STAG2: variants seen among roughly 807,000 people sequenced by gnomAD.
STAG2 encodes STAG2 cohesin complex component.
Under a neutral mutation model 108.1 loss-of-function variants are expected in STAG2, and 14 were observed. The ratio of observed to expected loss-of-function variants is 0.13; its 90% CI spans 0.09 to 0.20. The LOEUF (loss-of-function observed/expected upper bound fraction) is 0.20, where lower values mean the gene tolerates loss of function less well. Among genes scored for constraint, STAG2 ranks in the 10% least tolerant of loss-of-function variants. STAG2 has a pLI of 1.00. For synonymous variants in STAG2, 307 were observed against 302.7 expected (o/e 1.01, Z -0.15); for missense variants, 440 against 940.9 (o/e 0.47, Z 6.96).
At chrX:123,971,156 G>A (rs894392631) in intron 1 of STAG2, among the ~76,000 whole-genome samples, 16 of 112,290 alleles carry the variant, frequency 1.4e-4, no homozygotes, top group East Asian at 2.8e-4. Flanking sequence ...GAGGCTGGGC[G>A]CGGTGGCTCA....
chrX:124,041,806 C>T (rs1462430177), intron 6 of STAG2, among the ~76,000 whole-genome samples: 2 of 111,083 alleles, frequency 1.8e-5, no homozygotes, highest in African/African-American at 3.3e-5. Context: ...CTTTTTTCCT[C>T]TCCCATCCTC....
At chrX:124,021,731 G>T (rs1045862309) in intron 2 of STAG2, among the ~76,000 whole-genome samples, 1 of 111,619 alleles carries the variant, frequency 9.0e-6, no homozygotes, top group African/African-American at 3.3e-5. Flanking sequence ...TCATGAAGTG[G>T]TTATTTATTT....
In STAG2 at chrX:124,100,588, A is replaced by G; in HGVS notation, c.3798A>G (p.Ser1266=). 8.4e-7 allele frequency: 1 copy of G among 1,196,243 alleles called. No individual in the cohort carries two copies. The highest frequency in any genetic ancestry group is 1.1e-6 in the Non-Finnish European group (1 of 882,949). Residue 1266 remains serine, a synonymous_variant, in exon 35 of 35, where the codon TCA becomes TCG. Transcript: ENST00000371145. ...TCTCTCATTAGGTTCTTGGAGTGTCAATGTTTTAATACCAGTACACAATTA... is the reference window on the plus strand; with the variant it reads ...TCTCTCATTAGGTTCTTGGAGTGTCGATGTTTTAATACCAGTACACAATTA... ...SIMDESVLGV[S]MF
intron 1 of STAG2, among the ~76,000 whole-genome samples, chrX:123,966,554 T>C (rs1331777435): frequency 1.8e-5 from 2 of 111,856 alleles, no homozygotes; most frequent in East Asian, 5.6e-4. Flanking sequence ...TAATTCTTTA[T>C]GTTTCTGGGT....
chrX:124,094,214 AG>A, intron 33 of STAG2, 70 bp downstream of exon 33: 7 of 1,064,914 alleles, frequency 6.6e-6, no homozygotes, highest in Non-Finnish European at 8.9e-6. Flanking sequence ...GATATTTATT[AG>A]AGTAGAGAAA....
At chrX:124,060,902 C>T (rs951557531) in intron 15 of STAG2, among the ~76,000 whole-genome samples, 7 of 107,742 alleles carry the variant, frequency 6.5e-5, no homozygotes, top group Non-Finnish European at 9.6e-5. Flanking sequence ...ACAGCCTGGG[C>T]GAGAGCGAGA....
chrX:124,073,036 C>T (rs188999905), intron 25 of STAG2, among the ~76,000 whole-genome samples: 38 of 107,395 alleles, frequency 3.5e-4, no homozygotes, highest in African/African-American at 1.3e-3. Flanking sequence ...TGAGCCACTG[C>T]GCCCGGCCTA....
At chrX:124,013,170 T>C (rs970251740) in intron 1 of STAG2, among the ~76,000 whole-genome samples, 9 of 111,715 alleles carry the variant, frequency 8.1e-5, no homozygotes, top group African/African-American at 2.6e-4. Context: ...CCAGCTAATA[T>C]GGTCTCATTG....
intron 1 of STAG2, among the ~76,000 whole-genome samples, chrX:123,963,732 C>T (rs763097333): frequency 1.1e-4 from 12 of 110,433 alleles, no homozygotes; most frequent in Admixed American, 3.9e-4. Context: ...TAAATATGCC[C>T]TTTGGGTTTA....
intron 1 of STAG2, among the ~76,000 whole-genome samples, chrX:123,976,879 G>A (rs1388149690): frequency 8.9e-6 from 1 of 111,969 alleles, no homozygotes; most frequent in East Asian, 2.8e-4. Flanking sequence ...CTGCCTCCCA[G>A]TGGGATGATT....
At chrX:124,083,382 C>T (rs923638466) in intron 28 of STAG2, 39 bp from the exon 29 acceptor site, 3 of 1,069,805 alleles carry the variant, frequency 2.8e-6, no homozygotes, top group Non-Finnish European at 2.5e-6. Flanking sequence ...TATAGTCCCT[C>T]AAATATTTAT....
intron 1 of STAG2, among the ~76,000 whole-genome samples, chrX:124,009,403 G>T (rs1459128511): frequency 6.5e-5 from 5 of 76,851 alleles, no homozygotes. Context: ...AGGTAGGTAG[G>T]TAGGTAGGTA....
chrX:124,068,316 C>T (rs1015384613), intron 23 of STAG2, among the ~76,000 whole-genome samples: 3 of 111,136 alleles, frequency 2.7e-5, no homozygotes, highest in African/African-American at 9.8e-5. Flanking sequence ...CTCTTAATAT[C>T]CTAAAGCCTT....
chrX:123,991,375 C>T (rs1039172071), intron 1 of STAG2, among the ~76,000 whole-genome samples: 9 of 109,395 alleles, frequency 8.2e-5, no homozygotes, highest in East Asian at 2.9e-4. Context: ...TTTTTTGAGA[C>T]GGAGTCTGAC....
chrX:124,088,048 GT>G (rs1427716678), intron 30 of STAG2, among the ~76,000 whole-genome samples: 1 of 111,765 alleles, frequency 8.9e-6, no homozygotes, highest in Non-Finnish European at 1.9e-5. Flanking sequence ...AAACTTTTCT[GT>G]TTTTTAAAAA....
At position 124,063,970 on chromosome X, in the gene STAG2, C is replaced by T. The variant is rs2148326869; in HGVS notation, c.1944C>T (p.Asn648=). The part of the protein sequence containing the change: ...ALCNEEFTIF[N]RVDISRSQLI... Reference sequence around the variant, plus strand: ...GTAATGAAGAGTTCACAATCTTCAACAGAGTAGATATTTCAAGAAGTCAAC... The same window carrying T: ...GTAATGAAGAGTTCACAATCTTCAATAGAGTAGATATTTCAAGAAGTCAAC... The change falls in exon 20 of 35, where the codon AAC becomes AAT. Residue 648 remains asparagine (N), a synonymous_variant. Coordinates refer to ENST00000371145, the MANE Select transcript of STAG2 (RefSeq NM_001042750.2). 1 of 1,209,836 alleles carries T rather than the reference C, an allele frequency of 8.3e-7. No individual in the cohort carries two copies. The highest frequency in any genetic ancestry group is 1.1e-6 in the Non-Finnish European group (1 of 894,003).
chrX:124,085,398 C>T (rs984309842), intron 29 of STAG2, among the ~76,000 whole-genome samples: 13 of 111,138 alleles, frequency 1.2e-4, no homozygotes, highest in African/African-American at 4.3e-4. Flanking sequence ...TATCTTGTTG[C>T]AGACTTAACA....
At chrX:124,041,147 G>A (rs1406470043) in intron 6 of STAG2, among the ~76,000 whole-genome samples, 1 of 109,204 alleles carries the variant, frequency 9.2e-6, no homozygotes, top group Admixed American at 9.9e-5. Context: ...CACCGCACCC[G>A]GCCAAGAGTG....
chrX:124,027,260 A>C (rs2057136213), intron 4 of STAG2, among the ~76,000 whole-genome samples: 1 of 111,686 alleles, frequency 9.0e-6, no homozygotes, highest in Admixed American at 9.5e-5. Flanking sequence ...ATCACGTTTA[A>C]TGTATGGAAC....
Sources: gnomAD v4.1 joint callset for allele counts (sites outside exome capture counted in the v4.1 genomes callset) on GRCh38, gnomAD v4.1.1 for gene constraint, MANE v1.5 for transcripts, NCBI Gene and HGNC (gene_info 2026-07-23, HGNC 2026-07-21) for gene names.